The following BTF3L4 variants were observed in gnomAD, a reference collection of about 807,000 sequenced individuals.
BTF3L4 encodes the protein transcription factor BTF3 homolog 4.
In BTF3L4, 6 loss-of-function variants were observed where a neutral mutation model predicts 16.8. The observed-to-expected ratio is 0.36, with a 90% confidence interval of 0.20 to 0.71. The LOEUF (loss-of-function observed/expected upper bound fraction) is 0.71, where lower values mean the gene tolerates loss of function less well. BTF3L4 is among the 30% of genes least tolerant of loss of function. The pLI, the probability that BTF3L4 is intolerant of heterozygous loss-of-function variation, is 0.58. For synonymous variants in BTF3L4, 39 were observed against 59.8 expected (o/e 0.65, Z 1.60); for missense variants, 92 against 186.9 (o/e 0.49, Z 2.96).
chr1:52,080,519 GTTTTTTTTTTTTTTTTTT>G (rs753783341), intron 3 of BTF3L4, among the ~76,000 whole-genome samples: 1 of 70,232 alleles, frequency 1.4e-5, no homozygotes, highest in African/African-American at 6.4e-5. Flanking sequence ...GGTTTTTTGG[GTTTTTTTTTTTTTTTTTT>G]TTTTTTTTTT....
chr1:52,062,336 G>C (rs1686537418), intron 2 of BTF3L4, among the ~76,000 whole-genome samples: 1 of 151,564 alleles, frequency 6.6e-6, no homozygotes. Context: ...TGAGTAGCTG[G>C]GATTACAGGC....
chr1:52,072,524 A>G (rs1197577803), intron 3 of BTF3L4, among the ~76,000 whole-genome samples: 1 of 151,974 alleles, frequency 6.6e-6, no homozygotes, highest in Non-Finnish European at 1.5e-5. Flanking sequence ...TCTACTTTCT[A>G]TTTTATGGAT....
chr1:52,081,860 C>T (rs1430827418), intron 3 of BTF3L4, among the ~76,000 whole-genome samples: 2 of 152,160 alleles, frequency 1.3e-5, no homozygotes, highest in Non-Finnish European at 2.9e-5. Flanking sequence ...TCTCTGTGTT[C>T]CAGGTCTTGC....
At chr1:52,080,525 T>G (rs1263585999) in intron 3 of BTF3L4, among the ~76,000 whole-genome samples, 2 of 100,922 alleles carry the variant, frequency 2.0e-5, no homozygotes, top group Admixed American at 9.9e-5. Flanking sequence ...TTGGGTTTTT[T>G]TTTTTTTTTT....
intron 3 of BTF3L4, chr1:52,071,431 T>C (rs933262845): frequency 1.3e-5 from 2 of 152,368 alleles, no homozygotes; most frequent in African/African-American, 2.4e-5. Context: ...TGGTAACTTA[T>C]TAATCCAGTA....
intron 1 of BTF3L4, among the ~76,000 whole-genome samples, chr1:52,058,759 G>A (rs1015233986): frequency 1.3e-5 from 2 of 152,092 alleles, no homozygotes; most frequent in African/African-American, 4.8e-5. Flanking sequence ...GTGCCACCAC[G>A]CCCGGCTAAT....
rs573098344 is a variant in BTF3L4, at chr1:52,059,966, G to A, written c.54+65G>A. 9 of 1,441,786 alleles carry A rather than the reference G, an allele frequency of 6.2e-6. No individual in the cohort carries two copies. The East Asian group carries it at 1.9e-4, about 30-fold the overall frequency. The allele number at this position is 1,441,786 out of a possible 1,614,324, so 89.3% of individuals were successfully genotyped here. On this transcript the variant is annotated intron_variant, in intron 2 of 5. Coordinates refer to ENST00000313334, the MANE Select transcript of BTF3L4 (RefSeq NM_152265.5). Reference sequence around the variant, plus strand: ...ATTACCAGATAGTGTTATTATTTCGGATTTGTGGTCATTGAAAATCTAAAA... The same window carrying A: ...ATTACCAGATAGTGTTATTATTTCGAATTTGTGGTCATTGAAAATCTAAAA...
chr1:52,083,895 CTA>C (rs770361723), intron 4 of BTF3L4, among the ~76,000 whole-genome samples: 39 of 151,976 alleles, frequency 2.6e-4, no homozygotes, highest in Non-Finnish European at 5.3e-4. Flanking sequence ...TAGCAGGCGC[CTA>C]TAATCCCAGC....
intron 3 of BTF3L4, among the ~76,000 whole-genome samples, chr1:52,081,634 C>G (rs532908646): frequency 2.0e-5 from 3 of 152,290 alleles, no homozygotes; most frequent in Admixed American, 2.0e-4. Context: ...ATCTTCAAAA[C>G]TATATAATTT....
chr1:52,066,845 CA>C (rs1292952559), intron 3 of BTF3L4, among the ~76,000 whole-genome samples: 199 of 145,544 alleles, frequency 1.4e-3, no homozygotes, highest in African/African-American at 4.5e-3. Flanking sequence ...GACTCCATCT[CA>C]AAAAAAAAAA....
At chr1:52,060,807 C>G (rs774715513) in intron 2 of BTF3L4, 45 of 188,594 alleles carry the variant, frequency 2.4e-4, no homozygotes, top group Non-Finnish European at 2.3e-4. Flanking sequence ...TTATATGAGT[C>G]TGGAGTTAGA....
chr1:52,076,824 C>A (rs1686946838), intron 3 of BTF3L4, among the ~76,000 whole-genome samples: 1 of 152,242 alleles, frequency 6.6e-6, no homozygotes, highest in South Asian at 2.1e-4. Context: ...TCTCACAACA[C>A]CCCAGACGCT....
At chr1:52,076,783 C>A (rs1686945622) in intron 3 of BTF3L4, among the ~76,000 whole-genome samples, 1 of 152,090 alleles carries the variant, frequency 6.6e-6, no homozygotes. Context: ...GTGTGCAAAG[C>A]CCATTATCCT....
chr1:52,065,427 G>A (rs534110751), intron 3 of BTF3L4: 1,656 of 152,258 alleles, frequency 0.011, 9 homozygotes, highest in Non-Finnish European at 0.015. Flanking sequence ...CACCATGCCC[G>A]GCTGATTTTT....
At position 52,086,835 on chromosome 1, in the gene BTF3L4, A is replaced by G. The variant is rs1643977030; in HGVS notation, c.*77A>G. The G allele has an allele frequency of 4.8e-6, 4 of 833,812 alleles. No homozygotes were observed. Among genetic ancestry groups the G allele is most frequent in the Non-Finnish European group, 7.7e-6 (4 of 521,324 alleles). 51.7% of individuals were successfully genotyped at this position (833,812 alleles called of 1,614,324 possible). A position where few individuals can be genotyped will look rare whatever the true frequency, so the allele number is the denominator to read the frequency against. On this transcript the variant is annotated 3_prime_UTR_variant, in exon 6 of 6. Coordinates refer to ENST00000313334, the MANE Select transcript of BTF3L4 (RefSeq NM_152265.5). ...TGGTTCCAAAGTTTTACAGACATGG[A>G]GAACATCACCTGTTACTAGTTCAGT...
rs543954835 is a variant in BTF3L4, at chr1:52,057,188, C to A, written c.-14+809C>A. Among the ~76,000 whole-genome samples, 14 of 152,338 alleles carry A rather than the reference C, an allele frequency of 9.2e-5. No individual in the cohort carries two copies. The South Asian group carries it at 2.9e-3, about 32-fold the overall frequency. On this transcript the variant is annotated intron_variant, in intron 1 of 5. Coordinates refer to ENST00000313334, the MANE Select transcript of BTF3L4 (RefSeq NM_152265.5). ...AACCTTGGTCTTTCTGATTCCAAAG[C>A]CTGTGCTTGTCTTAGAGAAACCCTA...
intron 2 of BTF3L4, chr1:52,060,454 C>T: frequency 7.9e-7 from 1 of 1,269,432 alleles, no homozygotes; most frequent in Non-Finnish European, 1.0e-6. Context: ...CTTACCTGTT[C>T]TTCCATGTTG....
chr1:52,072,588 T>G (rs1462445445), intron 3 of BTF3L4, among the ~76,000 whole-genome samples: 3 of 152,204 alleles, frequency 2.0e-5, no homozygotes, highest in African/African-American at 7.2e-5. Context: ...TGTCCTTTTG[T>G]GCCTGGAGGC....
At chr1:52,082,110 GAATCA>G (rs1210450219) in intron 3 of BTF3L4, among the ~76,000 whole-genome samples, 2 of 152,026 alleles carry the variant, frequency 1.3e-5, no homozygotes, top group East Asian at 3.9e-4. Context: ...TTACCCAGGG[GAATCA>G]ACTACATAGT....
Sources: gnomAD v4.1 joint callset for allele counts (sites outside exome capture counted in the v4.1 genomes callset) on GRCh38, gnomAD v4.1.1 for gene constraint, MANE v1.5 for transcripts, NCBI Gene and HGNC (gene_info 2026-07-23, HGNC 2026-07-21) for gene names.